Variants in PEX7 observed in about 807,000 individuals in gnomAD.
PEX7 encodes the protein PTS2 receptor.
A neutral mutation model predicts 47.5 loss-of-function variants in PEX7; 34 were observed. The observed-to-expected ratio is 0.72, with a 90% CI of 0.54 to 0.95. PEX7 has a LOEUF of 0.95. PEX7 is among the 40% of genes least tolerant of loss of function. The pLI, the probability that PEX7 is intolerant of heterozygous loss-of-function variation, is 0.00. For missense variants in PEX7, 394 were observed against 400.3 expected, an observed-to-expected ratio of 0.98 and a Z score of 0.13; for synonymous variants, 141 against 148.8, an observed-to-expected ratio of 0.95 and a Z score of 0.38.
intron 5 of PEX7, chr6:136,855,775 C>T: frequency 2.6e-6 from 1 of 381,676 alleles, no homozygotes. Context: ...ATTTCGTTTG[C>T]CCCACTGGAA....
chr6:136,846,654 C>A (rs547150090), intron 5 of PEX7, among the ~76,000 whole-genome samples: 1 of 152,278 alleles, frequency 6.6e-6, no homozygotes, highest in East Asian at 1.9e-4. Flanking sequence ...TTGTCCATGT[C>A]CCTACAAAGG....
At chr6:136,875,065 G>A (rs530301245) in intron 8 of PEX7, among the ~76,000 whole-genome samples, 2 of 152,096 alleles carry the variant, frequency 1.3e-5, no homozygotes, top group Non-Finnish European at 2.9e-5. Context: ...CTTGAACCCA[G>A]GTGGCAGAAG....
At chr6:136,898,649 G>A (rs1163293194) in intron 9 of PEX7, among the ~76,000 whole-genome samples, 1 of 152,166 alleles carries the variant, frequency 6.6e-6, no homozygotes, top group Non-Finnish European at 1.5e-5. Context: ...TTTCAAGACT[G>A]TCACCCTTGT....
chr6:136,830,327 C>T (rs1774270521), intron 3 of PEX7: 2 of 305,282 alleles, frequency 6.6e-6, no homozygotes, highest in African/African-American at 4.3e-5. Context: ...TTCCAGTTAC[C>T]CACTTTACCA....
intron 9 of PEX7, among the ~76,000 whole-genome samples, chr6:136,903,338 T>C (rs1322513851): frequency 9.8e-5 from 14 of 143,476 alleles, no homozygotes; most frequent in African/African-American, 1.8e-4. Context: ...TTCTTTCTCT[T>C]TTTTTTTTTT....
intron 8 of PEX7, among the ~76,000 whole-genome samples, chr6:136,887,857 ATTGTG>A (rs1464836180): frequency 1.3e-5 from 2 of 152,186 alleles, no homozygotes; most frequent in Admixed American, 6.5e-5. Flanking sequence ...GCTTTATTAT[ATTGTG>A]TTAAGTGGGA....
At chr6:136,840,977 G>C (rs1774486593) in intron 3 of PEX7, among the ~76,000 whole-genome samples, 1 of 151,990 alleles carries the variant, frequency 6.6e-6, no homozygotes, top group East Asian at 1.9e-4. Flanking sequence ...TTTCTTTGTA[G>C]TTTTTAAAAA....
chr6:136,827,827 C>T (rs560494363), intron 3 of PEX7, among the ~76,000 whole-genome samples: 20 of 150,728 alleles, frequency 1.3e-4, no homozygotes, highest in African/African-American at 4.6e-4. Flanking sequence ...CCACCGTGCC[C>T]AGCCAATTTT....
intron 9 of PEX7, among the ~76,000 whole-genome samples, chr6:136,912,864 A>G (rs1775954383): frequency 2.0e-5 from 3 of 152,086 alleles, no homozygotes. Flanking sequence ...TCTTCCCTTC[A>G]TGTTTTCCTA....
intron 3 of PEX7, among the ~76,000 whole-genome samples, chr6:136,835,958 G>A (rs1202857837): frequency 6.6e-6 from 1 of 152,188 alleles, no homozygotes; most frequent in African/African-American, 2.4e-5. Context: ...GGACTTTGAA[G>A]CATGACTGCT....
intron 3 of PEX7, among the ~76,000 whole-genome samples, chr6:136,832,640 A>G (rs550687655): frequency 6.6e-6 from 1 of 152,370 alleles, no homozygotes; most frequent in East Asian, 1.9e-4. Flanking sequence ...TCATGAATGC[A>G]TGTGACTATA....
intron 3 of PEX7, among the ~76,000 whole-genome samples, chr6:136,834,046 A>G (rs1774341860): frequency 1.3e-5 from 2 of 152,278 alleles, no homozygotes; most frequent in Admixed American, 1.3e-4. Context: ...TCCGTACAAC[A>G]TGATAGATAT....
chr6:136,825,197 A>AT lies in PEX7; in HGVS notation c.131-9dup, dbSNP rs760985736. 4.3e-6 allele frequency: 7 copies of AT among 1,610,116 alleles called. No homozygotes were observed. Among genetic ancestry groups the AT allele is most frequent in the East Asian group, 2.2e-5 (1 of 44,836 alleles). On this transcript the variant is annotated splice_polypyrimidine_tract_variant and intron_variant, in intron 1 of 9. Coordinates refer to ENST00000318471, the MANE Select transcript of PEX7 (RefSeq NM_000288.4). ...TGGCAGGTTCAAAGGGATGACCTTGATTTTTTTTCTCTTTAGGCTGTGGAA... is the reference window on the plus strand; with the variant it reads ...TGGCAGGTTCAAAGGGATGACCTTGATTTTTTTTTCTCTTTAGGCTGTGGAA...
chr6:136,867,740 G>C (rs1033029245), intron 6 of PEX7, among the ~76,000 whole-genome samples: 2 of 151,628 alleles, frequency 1.3e-5, no homozygotes, highest in Non-Finnish European at 2.9e-5. Context: ...TCACGCCACT[G>C]CACTCCAGCC....
intron 3 of PEX7, among the ~76,000 whole-genome samples, chr6:136,838,340 A>G (rs369411298): frequency 3.9e-5 from 6 of 152,336 alleles, no homozygotes; most frequent in East Asian, 3.9e-4. Flanking sequence ...AATTACCACC[A>G]TGAGGAAACA....
intron 2 of PEX7, 75 bp downstream of exon 2, chr6:136,825,346 G>A (rs1208246786): frequency 7.4e-6 from 9 of 1,220,204 alleles, no homozygotes; most frequent in Non-Finnish European, 1.1e-5. Context: ...TTGACTCTTT[G>A]ATTAATGTTT....
chr6:136,867,911 T>C (rs1481370080), intron 6 of PEX7, among the ~76,000 whole-genome samples: 2 of 152,246 alleles, frequency 1.3e-5, no homozygotes, highest in Non-Finnish European at 2.9e-5. Context: ...ACAGTAATGT[T>C]CTAGGCCTTT....
intron 3 of PEX7, among the ~76,000 whole-genome samples, chr6:136,842,360 A>G (rs1425684459): frequency 1.3e-5 from 2 of 152,318 alleles, no homozygotes; most frequent in East Asian, 1.9e-4. Context: ...TAGCTCTGTC[A>G]TAGAGACCTA....
chr6:136,837,380 CTG>C (rs942925223), intron 3 of PEX7, among the ~76,000 whole-genome samples: 3 of 75,816 alleles, frequency 4.0e-5, no homozygotes, highest in South Asian at 4.3e-4. Flanking sequence ...AAAAAAGAAA[CTG>C]AAAGTTTTAA....
Sources: allele counts gnomAD v4.1 joint callset (sites outside exome capture counted in the v4.1 genomes callset), GRCh38; gene constraint gnomAD v4.1.1; transcripts MANE v1.5; gene names NCBI Gene and HGNC (gene_info 2026-07-23, HGNC 2026-07-21).